The following AKAP9 variants were observed in gnomAD, a reference collection of about 807,000 sequenced individuals.
AKAP9 encodes A-kinase anchoring protein 9.
Under a neutral mutation model 488.5 loss-of-function variants are expected in AKAP9, and 311 were observed. The ratio of observed to expected loss-of-function variants is 0.64; its 90% CI spans 0.58 to 0.70. The LOEUF (loss-of-function observed/expected upper bound fraction) is 0.70. AKAP9 is among the 30% of genes least tolerant of loss of function. The pLI is 0.00. For missense variants in AKAP9, 4,215 were observed against 4,374.5 expected (o/e 0.96, Z 1.03); for synonymous variants, 1,462 against 1,483.5 (o/e 0.99, Z 0.33).
intron 16 of AKAP9, among the ~76,000 whole-genome samples, chr7:92,034,602 G>A (rs143789142): frequency 6.9e-6 from 1 of 145,382 alleles, no homozygotes; most frequent in African/African-American, 2.5e-5. Flanking sequence ...CTGGATTCAA[G>A]TGATTCTCCT....
intron 38 of AKAP9, 148 bp from the exon 39 acceptor site, chr7:92,092,949 A>ACATG: frequency 1.5e-6 from 1 of 685,644 alleles, no homozygotes. Flanking sequence ...CCATGCCTGG[A>ACATG]CTGCATTACC....
At chr7:91,988,110 A>T (rs974272866) in intron 3 of AKAP9, among the ~76,000 whole-genome samples, 8 of 152,024 alleles carry the variant, frequency 5.3e-5, no homozygotes, top group Admixed American at 4.6e-4. Context: ...TAATCTTCTA[A>T]GTCACTGTTT....
rs182014650 is a variant in AKAP9, at chr7:92,006,635, C to T, written c.3318+3400C>T. Among the ~76,000 whole-genome samples, 261 of 152,218 alleles carry T rather than the reference C, an allele frequency of 1.7e-3. 1 individual carries two copies. The highest frequency in any genetic ancestry group is 6.1e-3 in the African/African-American group (252 of 41,528). ...AGAAGAAATCGAGCAGTGACTTACA[C>T]AATAGTAACACCTAAGAGCAGCCTA... is the stretch of plus-strand genomic sequence containing the variant. On this transcript the variant is annotated intron_variant, in intron 8 of 49. Transcript: ENST00000356239.
At chr7:92,013,650 G>A (rs1027082604) in intron 9 of AKAP9, among the ~76,000 whole-genome samples, 1 of 152,126 alleles carries the variant, frequency 6.6e-6, no homozygotes, top group Non-Finnish European at 1.5e-5. Context: ...TAATGAGGAT[G>A]GAAAAGAAGT....
At chr7:92,012,066 A>G (rs1457064141) in intron 8 of AKAP9, among the ~76,000 whole-genome samples, 1 of 152,144 alleles carries the variant, frequency 6.6e-6, no homozygotes, top group African/African-American at 2.4e-5. Context: ...GCACCACTGT[A>G]CTCCAGCCTG....
intron 10 of AKAP9, among the ~76,000 whole-genome samples, chr7:92,015,366 A>ATT (rs11345067): frequency 5.5e-4 from 76 of 137,902 alleles, no homozygotes; most frequent in Admixed American, 3.3e-3. Flanking sequence ...TGTGTTAGGA[A>ATT]TTTTTTTTTT....
rs781419851 is a variant in AKAP9 at position 92,096,728 on chromosome 7, C to T, written c.9769C>T (p.Leu3257Phe). 3 of 1,614,130 alleles carry T rather than the reference C, an allele frequency of 1.9e-6. No individual in the cohort carries two copies. In the East Asian group the frequency reaches 6.7e-5, roughly 36 times the overall value. Residue 3257 changes from leucine (L) to phenylalanine (F), a missense_variant, in exon 41 of 50, where the codon CTT becomes TTT. This residue lies in a region of AKAP9 where 1,476 missense variants were observed against 1,477.4 expected (regional missense o/e 1.00). Transcript: ENST00000356239. ...FSLESQKQRN[L>F]QLNLLLEQQK... ...ACTTGAGAGTCAGAAACAAAGGAAT[C>T]TTCAGCTAAATCTACTTTTGGAACA...
intron 22 of AKAP9, among the ~76,000 whole-genome samples, 157 bp from the exon 23 acceptor site, chr7:92,061,103 C>T (rs538393162): frequency 3.3e-5 from 5 of 152,252 alleles, no homozygotes; most frequent in Admixed American, 3.3e-4. Context: ...ATTTCTCCTA[C>T]CTGCTAATCT....
Position 92,022,319 on chromosome 7 carries a change from A to G in AKAP9, c.3919A>G (p.Ile1307Val), listed in dbSNP as rs778955236. 27 of 1,613,000 alleles carry G rather than the reference A, an allele frequency of 1.7e-5. No individual in the cohort carries two copies. Among genetic ancestry groups the G allele is most frequent in the African/African-American group, 1.6e-4 (12 of 74,904 alleles). Residue 1307 changes from isoleucine (I) to valine (V), a missense_variant, in exon 13 of 50, where the codon ATC becomes GTC. Ile to Val is a conservative substitution (Grantham distance 29). Around this residue, in one of 5 missense-constraint regions of AKAP9, gnomAD observed 2,361 missense variants for 2,430.0 expected, o/e 0.97. Coordinates refer to ENST00000356239, the MANE Select transcript of AKAP9 (RefSeq NM_005751.5). ...LPKEETEFLS[I>V]HSQMTNLEDI... ...AAAAGAGGAAACAGAGTTTTTATCA[A>G]TCCATTCTCAGATGACCAATTTGGA... is the stretch of plus-strand genomic sequence containing the variant.
In AKAP9 at chr7:92,079,752, T is replaced by C. The variant is rs1423153058; in HGVS notation, c.7619T>C (p.Ile2540Thr). 9.3e-6 allele frequency: 15 copies of C among 1,613,970 alleles called. No individual in the cohort carries two copies. Among genetic ancestry groups the C allele is most frequent in the Non-Finnish European group, 1.3e-5 (15 of 1,180,002 alleles). Residue 2540 changes from isoleucine to threonine, a missense_variant, in exon 31 of 50, where the codon ATT becomes ACT. Ile to Thr is a moderately conservative substitution (Grantham distance 89). Around this residue, in one of 5 missense-constraint regions of AKAP9, gnomAD observed 1,476 missense variants for 1,477.4 expected, o/e 1.00. Coordinates refer to ENST00000356239, the MANE Select transcript of AKAP9 (RefSeq NM_005751.5). ...QFETEMLQKK[I>T]VNLQKIVEEK... The stretch of plus-strand genomic sequence containing the variant: ...GAAACAGAAATGCTTCAAAAGAAGA[T>C]TGTAAACCTACAGAAAATAGTTGAA...
chr7:92,083,436 G>A lies in AKAP9; in HGVS notation c.8427G>A (p.Gln2809=), dbSNP rs751385105. Residue 2809 remains glutamine (Q), a synonymous_variant, in exon 33 of 50, where the codon CAG becomes CAA. Coordinates refer to ENST00000356239, the MANE Select transcript of AKAP9 (RefSeq NM_005751.5). ...VKNAGIQINL[Q]SECSSEEVTE... ...ATGCAGGAATACAAATTAATTTACA[G>A]AGTGAATGTTCCTCAGAAGAAGTTA... 1 of 1,614,010 alleles carries A rather than the reference G, an allele frequency of 6.2e-7. No individual in the cohort carries two copies. Among genetic ancestry groups the A allele is most frequent in the Non-Finnish European group, 8.5e-7 (1 of 1,179,970 alleles).
chr7:92,011,279 TAAAG>T (rs1268411622), intron 8 of AKAP9, among the ~76,000 whole-genome samples: 2 of 152,178 alleles, frequency 1.3e-5, no homozygotes, highest in Non-Finnish European at 2.9e-5. Flanking sequence ...AGAAATGAGA[TAAAG>T]AATATGAAAA....
chr7:92,037,881 C>T (rs965224759), intron 16 of AKAP9, among the ~76,000 whole-genome samples: 1 of 152,160 alleles, frequency 6.6e-6, no homozygotes. Context: ...TAAACTTATA[C>T]TACATCTATG....
chr7:91,990,705 T>C (rs1156408715), intron 3 of AKAP9, among the ~76,000 whole-genome samples: 2 of 152,132 alleles, frequency 1.3e-5, no homozygotes, highest in Non-Finnish European at 2.9e-5. Context: ...ATACTGACAG[T>C]TATTACAAAC....
chr7:92,096,595 C>T, intron 40 of AKAP9, 94 bp from the exon 41 acceptor site: 1 of 1,468,750 alleles, frequency 6.8e-7, no homozygotes, highest in Non-Finnish European at 9.3e-7. Context: ...CCTCGGCCTC[C>T]CAAAGTGCTG....
At chr7:92,087,021 CAAAT>C (rs1490485992) in intron 37 of AKAP9, among the ~76,000 whole-genome samples, 1 of 152,132 alleles carries the variant, frequency 6.6e-6, no homozygotes, top group African/African-American at 2.4e-5. Context: ...AGTGAAATCA[CAAAT>C]AAAAGGCACA....
At chr7:92,097,880 G>A (rs2130903645) in intron 42 of AKAP9, 86 bp downstream of exon 42, 1 of 1,366,752 alleles carries the variant, frequency 7.3e-7, no homozygotes, top group African/African-American at 1.4e-5. Context: ...GCCAAGGGTG[G>A]GGAATTGAAA....
At chr7:92,026,689 C>T (rs1803215924) in intron 14 of AKAP9, among the ~76,000 whole-genome samples, 1 of 152,254 alleles carries the variant, frequency 6.6e-6, no homozygotes, top group South Asian at 2.1e-4. Flanking sequence ...CTACAACCTC[C>T]ACCTCCCAGC....
At chr7:92,036,318 T>C (rs577015969) in intron 16 of AKAP9, among the ~76,000 whole-genome samples, 1 of 152,028 alleles carries the variant, frequency 6.6e-6, no homozygotes, top group African/African-American at 2.4e-5. Flanking sequence ...TTTTTAATTT[T>C]TTTTATTTTA....
Sources: gnomAD v4.1 joint callset for allele counts (sites outside exome capture counted in the v4.1 genomes callset) on GRCh38, gnomAD v4.1.1 for gene constraint, gnomAD v4.1.1 regional missense constraint, MANE v1.5 for transcripts, NCBI Gene and HGNC (gene_info 2026-07-23, HGNC 2026-07-21) for gene names.